Variants in CCDC175 observed in about 807,000 individuals in gnomAD.
CCDC175 encodes the protein coiled-coil domain-containing protein 175.
In CCDC175, 100 loss-of-function variants were observed where a neutral mutation model predicts 114.6. That is an observed-to-expected ratio of 0.87 (90% CI 0.74 to 1.03). The LOEUF is 1.03. Among genes scored for constraint, CCDC175 ranks in the 50% least tolerant of loss-of-function variants. CCDC175 has a pLI of 0.00. For synonymous variants in CCDC175, 306 were observed against 308.7 expected, an observed-to-expected ratio of 0.99 and a Z score of 0.09; for missense variants, 880 against 917.8, an observed-to-expected ratio of 0.96 and a Z score of 0.53.
At chr14:59,552,628 C>T (rs1161270084) in intron 7 of CCDC175, among the ~76,000 whole-genome samples, 10 of 152,150 alleles carry the variant, frequency 6.6e-5, no homozygotes, top group Non-Finnish European at 1.2e-4. Flanking sequence ...GAATGACTGA[C>T]AAGTTGAGAG....
intron 11 of CCDC175, among the ~76,000 whole-genome samples, chr14:59,539,621 A>G (rs1337206744): frequency 1.3e-5 from 2 of 148,650 alleles, no homozygotes; most frequent in Non-Finnish European, 3.0e-5. Context: ...TGCACATTCA[A>G]TAATAACATT....
chr14:59,556,377 A>G (rs1242455527), intron 7 of CCDC175, among the ~76,000 whole-genome samples: 1 of 152,256 alleles, frequency 6.6e-6, no homozygotes, highest in Admixed American at 6.5e-5. Context: ...TCCCTATTTA[A>G]TAAATGGTGC....
chr14:59,572,869 T>C, intron 2 of CCDC175, 56 bp from the exon 3 acceptor site: 2 of 1,052,528 alleles, frequency 1.9e-6, no homozygotes, highest in Non-Finnish European at 2.7e-6. Context: ...GTAAGATTGA[T>C]TTCCTAAACA....
intron 7 of CCDC175, among the ~76,000 whole-genome samples, chr14:59,553,147 C>A (rs553521980): frequency 0.04 from 6,109 of 152,170 alleles, 159 homozygotes; most frequent in Non-Finnish European, 0.06. Context: ...AGAGCAACTC[C>A]AAGACACATA....
At chr14:59,507,132 C>T (rs1892471811) in intron 19 of CCDC175, among the ~76,000 whole-genome samples, 1 of 152,282 alleles carries the variant, frequency 6.6e-6, no homozygotes. Flanking sequence ...AGGAAGAAGT[C>T]TGGCCTTTAA....
intron 4 of CCDC175, among the ~76,000 whole-genome samples, chr14:59,566,630 C>T (rs551911658): frequency 5.8e-4 from 89 of 152,284 alleles, no homozygotes; most frequent in African/African-American, 1.9e-3. Context: ...AAAAACCTCA[C>T]TAGGTGTGTT....
intron 19 of CCDC175, among the ~76,000 whole-genome samples, chr14:59,506,067 C>T (rs143965654): frequency 0.011 from 1,674 of 152,200 alleles, 9 homozygotes; most frequent in Middle Eastern, 0.024. Flanking sequence ...TTTGGATTTT[C>T]AGACCAGGGA....
intron 14 of CCDC175, among the ~76,000 whole-genome samples, chr14:59,527,826 G>A (rs1893839382): frequency 6.6e-6 from 1 of 152,074 alleles, no homozygotes; most frequent in Non-Finnish European, 1.5e-5. Flanking sequence ...CTCCCTCTGA[G>A]ATATGCCTTC....
rs1401755911 is a variant in CCDC175 at position 59,572,742 on chromosome 14, T to A, written c.315A>T (p.Leu105=). The A allele has an allele frequency of 2.0e-6, 3 of 1,517,518 alleles. No homozygotes were observed. The highest frequency in any genetic ancestry group is 2.6e-6 in the Non-Finnish European group (3 of 1,142,098). The allele number at this position is 1,517,518 out of a possible 1,614,324, so 94.0% of individuals were successfully genotyped here. A position where few individuals can be genotyped will look rare whatever the true frequency, so the allele number is the denominator to read the frequency against. The change falls in exon 3 of 20, where the codon CTA becomes CTT. Residue 105 remains leucine, a synonymous_variant. Transcript: ENST00000537690. ...ESMELNKLYY[L]LETLPNSIKR... ...TAATGCTATTGGGAAGAGTTTCCAA[T>A]AGATAGTATAGTTTGTTGAGTTCCA... is the stretch of plus-strand genomic sequence containing the variant.
rs1897135801 is a variant in CCDC175, at chr14:59,576,599, G to C, written c.157+20C>G. On this transcript the variant is annotated intron_variant, in intron 1 of 19. Coordinates refer to ENST00000537690, the MANE Select transcript of CCDC175 (RefSeq NM_001164399.2). ...CACCTCTGAGGAGACGTCCCTTCCA[G>C]CGCCCGAGGGGCGTCTTACCCACAA... The C allele has an allele frequency of 2.8e-6, 4 of 1,407,648 alleles. No homozygotes were observed. In the East Asian group the frequency reaches 1.2e-4, roughly 42 times the overall value. The allele number at this position is 1,407,648 out of a possible 1,614,324, so 87.2% of individuals were successfully genotyped here. A position where few individuals can be genotyped will look rare whatever the true frequency, so the allele number is the denominator to read the frequency against.
intron 19 of CCDC175, among the ~76,000 whole-genome samples, chr14:59,505,810 T>C (rs1362657315): frequency 6.6e-6 from 1 of 152,200 alleles, no homozygotes; most frequent in Non-Finnish European, 1.5e-5. Context: ...TGTATGGTAC[T>C]TTTGCTAACC....
chr14:59,559,656 CACAG>C (rs1257682112), intron 7 of CCDC175, among the ~76,000 whole-genome samples: 1 of 152,086 alleles, frequency 6.6e-6, no homozygotes, highest in African/African-American at 2.4e-5. Context: ...TCCCTATCTT[CACAG>C]ACAGAGGAAA....
chr14:59,521,408 C>A (rs899343799), intron 17 of CCDC175, among the ~76,000 whole-genome samples, 166 bp downstream of exon 17: 5 of 152,326 alleles, frequency 3.3e-5, no homozygotes, highest in African/African-American at 1.2e-4. Context: ...GGATCCACCA[C>A]TGGATTCCTT....
intron 17 of CCDC175, among the ~76,000 whole-genome samples, chr14:59,518,844 T>C (rs1169273215): frequency 6.6e-6 from 1 of 152,190 alleles, no homozygotes; most frequent in Non-Finnish European, 1.5e-5. Context: ...TTATAAATCA[T>C]GCTGCTATAA....
intron 19 of CCDC175, among the ~76,000 whole-genome samples, chr14:59,509,305 CA>C (rs1892620676): frequency 6.6e-6 from 1 of 152,124 alleles, no homozygotes; most frequent in African/African-American, 2.4e-5. Context: ...GCAAGGCCCA[CA>C]AAGGATCCTT....
Position 59,520,470 on chromosome 14 carries a change from T to A in CCDC175, c.2098+1104A>T, listed in dbSNP as rs567595641. Among the ~76,000 whole-genome samples the A allele has an allele frequency of 3.9e-5, 6 of 152,326 alleles. No homozygotes were observed. The South Asian group carries it at 1.2e-3, about 32-fold the overall frequency. ...CCTATAAAGTTAATCATACACTAAT[T>A]GCTATATAATTCAGCAATTCCATTA... On this transcript the variant is annotated intron_variant, in intron 17 of 19. Transcript: ENST00000537690.
chr14:59,533,320 A>C (rs914077224), intron 13 of CCDC175, among the ~76,000 whole-genome samples: 1 of 152,232 alleles, frequency 6.6e-6, no homozygotes, highest in Admixed American at 6.5e-5. Context: ...ATCAGGAGTC[A>C]TTGTTATACA....
At chr14:59,524,114 G>A (rs114125015) in intron 16 of CCDC175, among the ~76,000 whole-genome samples, 1 of 152,278 alleles carries the variant, frequency 6.6e-6, no homozygotes, top group African/African-American at 2.4e-5. Context: ...TGTCACTGGT[G>A]AATGACAGAC....
At chr14:59,530,322 G>T (rs1339021001) in intron 14 of CCDC175, among the ~76,000 whole-genome samples, 2 of 151,636 alleles carry the variant, frequency 1.3e-5, no homozygotes, top group African/African-American at 4.9e-5. Context: ...AGCAGAGATT[G>T]TACCATTGCA....
Sources: gnomAD v4.1 joint callset for allele counts (sites outside exome capture counted in the v4.1 genomes callset) on GRCh38, gnomAD v4.1.1 for gene constraint, MANE v1.5 for transcripts, NCBI Gene and HGNC (gene_info 2026-07-23, HGNC 2026-07-21) for gene names.